Variants in RRM1 observed in about 807,000 individuals in gnomAD.
RRM1 encodes the protein ribonucleotide reductase catalytic subunit M1, also known as ribonucleoside-diphosphate reductase large subunit.
RRM1 carries 19 observed loss-of-function variants against 101.5 expected under a neutral mutation model. The ratio of observed to expected loss-of-function variants is 0.19; its 90% CI spans 0.13 to 0.27. The LOEUF (loss-of-function observed/expected upper bound fraction) is 0.27. RRM1 is among the 10% of genes least tolerant of loss of function. RRM1 has a pLI of 1.00. For synonymous variants in RRM1, 298 were observed against 323.4 expected (o/e 0.92, Z 0.84); for missense variants, 500 against 962.9 (o/e 0.52, Z 6.36).
chr11:4,103,403 A>G (rs1277848106), intron 2 of RRM1, among the ~76,000 whole-genome samples: 2 of 152,248 alleles, frequency 1.3e-5, no homozygotes, highest in East Asian at 1.9e-4. Flanking sequence ...TAGATAAGAA[A>G]GTTCCAAAGA....
chr11:4,133,041 T>C (rs2094603057), intron 16 of RRM1, among the ~76,000 whole-genome samples: 1 of 152,228 alleles, frequency 6.6e-6, no homozygotes, highest in Non-Finnish European at 1.5e-5. Flanking sequence ...CATATGTTTC[T>C]TTTTTAATGA....
chr11:4,121,809 G>C (rs777278898), intron 10 of RRM1, 44 bp downstream of exon 10: 1 of 1,530,656 alleles, frequency 6.5e-7, no homozygotes, highest in Non-Finnish European at 8.8e-7. Flanking sequence ...TGATTCACAT[G>C]AGCTTTCTCT....
rs2228123 is a variant in RRM1 at position 4,129,149 on chromosome 11, A to C, written c.1768A>C (p.Lys590Gln). 4.7e-4 allele frequency: 750 copies of C among 1,585,786 alleles called. 2 individuals are homozygous for C. In the African/African-American group the frequency reaches 8.7e-3, roughly 18 times the overall value. ...DWKVLKEKIA[K>Q]YGIRNSLLIA... ...GAAGGTTCTCAAGGAGAAGATTGCAAAGTAAGTGAAAAGATGTAAAGTAGC... is the reference window on the plus strand; with the variant it reads ...GAAGGTTCTCAAGGAGAAGATTGCACAGTAAGTGAAAAGATGTAAAGTAGC... The change falls in exon 15 of 19, where the codon AAG becomes CAG. Residue 590 changes from lysine (K) to glutamine (Q), a missense_variant and splice_region_variant. By Grantham distance (53) the Lys-to-Gln change is moderately conservative. Transcript: ENST00000300738.
intron 16 of RRM1, among the ~76,000 whole-genome samples, chr11:4,133,015 T>C (rs2094602966): frequency 6.6e-6 from 1 of 152,218 alleles, no homozygotes; most frequent in East Asian, 1.9e-4. Flanking sequence ...GCTATTCTTT[T>C]CACTTTTGCA....
In RRM1 at chr11:4,123,075, G is replaced by C. The variant is rs148048274; in HGVS notation, c.1119-108G>C. ...TCCTTTTTTTCTTTAGCAAAACTTA[G>C]AGAAAATTTAAGAGTTTTCATAACT... is the stretch of plus-strand genomic sequence containing the variant. On this transcript the variant is annotated intron_variant, in intron 11 of 18. Coordinates refer to ENST00000300738, the MANE Select transcript of RRM1 (RefSeq NM_001033.5). The C allele has an allele frequency of 1.8e-5, 15 of 855,260 alleles. No individual in the cohort carries two copies. The African/African-American group carries it at 2.1e-4, about 12-fold the overall frequency. The allele number at this position is 855,260 out of a possible 1,614,324, so 53.0% of individuals were successfully genotyped here.
intron 2 of RRM1, among the ~76,000 whole-genome samples, chr11:4,103,992 C>A (rs1328767534): frequency 6.7e-6 from 1 of 149,946 alleles, no homozygotes; most frequent in African/African-American, 2.5e-5. Context: ...GTGGCGCATA[C>A]CAGTAGTCCC....
chr11:4,132,175 T>G lies in RRM1; in HGVS notation c.1770-111T>G. On this transcript the variant is annotated intron_variant, in intron 15 of 18. Transcript: ENST00000300738. This position sits in a 1 kb window ranked among gnomAD's most constrained non-coding sequence, Gnocchi z 4.1. ...TGTGAGTTCAATGCATGTACGATGT[T>G]ACATTTACATTTACTACATTTATCT... 9.3e-7 allele frequency: 1 copy of G among 1,072,910 alleles called. No homozygotes were observed. Among genetic ancestry groups the G allele is most frequent in the Non-Finnish European group, 1.4e-6 (1 of 718,592 alleles). 66.5% of individuals were successfully genotyped at this position (1,072,910 alleles called of 1,614,324 possible).
At chr11:4,107,128 G>A (rs980275606) in intron 3 of RRM1, among the ~76,000 whole-genome samples, 6 of 152,128 alleles carry the variant, frequency 3.9e-5, no homozygotes, top group South Asian at 4.1e-4. Context: ...TCCTGACCTC[G>A]TGATCCACCC....
chr11:4,132,489 C>T lies in RRM1; in HGVS notation c.1905+68C>T, dbSNP rs2094602134. ...GCCTGATGTTGGGAGTAAATGCTCA[C>T]TCATGTTTAATTTGCCCATTTTCTT... On this transcript the variant is annotated intron_variant, in intron 16 of 18. Transcript: ENST00000300738. The surrounding 1 kb of genome is among the most constrained non-coding windows in gnomAD (Gnocchi z 4.1). The T allele has an allele frequency of 1.3e-6, 2 of 1,548,802 alleles. No individual in the cohort carries two copies. Among genetic ancestry groups the T allele is most frequent in the Non-Finnish European group, 1.8e-6 (2 of 1,132,768 alleles).
chr11:4,110,370 C>G (rs893676214), intron 5 of RRM1, among the ~76,000 whole-genome samples: 1 of 152,040 alleles, frequency 6.6e-6, no homozygotes, highest in South Asian at 2.1e-4. Context: ...CCAGTCTGGT[C>G]TTGAACTCCT....
chr11:4,104,026 G>A (rs182576062), intron 2 of RRM1, among the ~76,000 whole-genome samples: 1 of 151,356 alleles, frequency 6.6e-6, no homozygotes, highest in East Asian at 2.0e-4. Context: ...TGGGAGGATC[G>A]CTTGAGCCCT....
intron 14 of RRM1, among the ~76,000 whole-genome samples, chr11:4,128,849 A>C (rs143540345): frequency 6.6e-6 from 1 of 152,306 alleles, no homozygotes; most frequent in Non-Finnish European, 1.5e-5. Flanking sequence ...TGGTTTGTAG[A>C]TATGACATGG....
intron 12 of RRM1, among the ~76,000 whole-genome samples, chr11:4,124,941 A>T (rs1349299796): frequency 6.9e-6 from 1 of 144,912 alleles, no homozygotes. Context: ...TTTGAGACAG[A>T]GTCTTGCTCT....
intron 17 of RRM1, 132 bp from the exon 18 acceptor site, chr11:4,134,950 A>T (rs1176444423): frequency 3.3e-6 from 2 of 609,340 alleles, no homozygotes; most frequent in Non-Finnish European, 5.5e-6. Context: ...GGATCATATC[A>T]TATGATACTG....
In RRM1 at chr11:4,115,309, G is replaced by A. The variant is rs145505616; in HGVS notation, c.651-3011G>A. 6.0e-4 allele frequency among the ~76,000 whole-genome samples: 92 copies of A among 152,142 alleles called. 1 individual carries two copies. The highest frequency in any genetic ancestry group is 3.4e-3 in the Middle Eastern group (1 of 294). ...TGGAGAGATTATCTTGAATTATGTG[G>A]GTGGGCCCTTAATCCAATCAAAAGT... On this transcript the variant is annotated intron_variant, in intron 7 of 18. Transcript: ENST00000300738.
rs151223080 is a variant in RRM1, at chr11:4,103,360, C to T, written c.108+1279C>T. 2.3e-4 allele frequency among the ~76,000 whole-genome samples: 35 copies of T among 152,316 alleles called. 1 individual carries two copies. The highest frequency in any genetic ancestry group is 9.6e-4 in the East Asian group (5 of 5,190). On this transcript the variant is annotated intron_variant, in intron 2 of 18. Transcript: ENST00000300738. ...AGTAGAATGTTAGAGTTGGAATGAA[C>T]TTAAGAGTCCATCCCATTTCATCTT...
chr11:4,126,992 C>A, intron 13 of RRM1, 43 bp from the exon 14 acceptor site: 1 of 1,541,154 alleles, frequency 6.5e-7, no homozygotes. Context: ...TTTTCCTGTT[C>A]AGTAATGTTT....
chr11:4,122,258 A>G, intron 11 of RRM1, 38 bp downstream of exon 11: 1 of 1,404,728 alleles, frequency 7.1e-7, no homozygotes, highest in Non-Finnish European at 1.0e-6. Context: ...TAATGTTTTA[A>G]TCATGGTTTC....
rs563156459 is a variant in RRM1, at chr11:4,132,754, A to G, written c.1905+333A>G. ...AAGTTAGGATACTCAAAATGTATAA[A>G]GAAGTATCATTTAAGGCAGTGGTTC... On this transcript the variant is annotated intron_variant, in intron 16 of 18. Coordinates refer to ENST00000300738, the MANE Select transcript of RRM1 (RefSeq NM_001033.5). The surrounding 1 kb of genome is among the most constrained non-coding windows in gnomAD (Gnocchi z 4.1). Among the ~76,000 whole-genome samples, 1 of 152,332 alleles carries G rather than the reference A, an allele frequency of 6.6e-6. No individual in the cohort carries two copies. The highest frequency in any genetic ancestry group is 1.9e-4 in the East Asian group (1 of 5,188).
Sources: allele counts gnomAD v4.1 joint callset (sites outside exome capture counted in the v4.1 genomes callset), GRCh38; gene constraint gnomAD v4.1.1; non-coding constraint Gnocchi (gnomAD v3.1); transcripts MANE v1.5; gene names NCBI Gene and HGNC (gene_info 2026-07-23, HGNC 2026-07-21).